Variants in KIZ observed in about 807,000 individuals in gnomAD.
KIZ encodes centrosomal protein kizuna.
A neutral mutation model predicts 79.6 loss-of-function variants in KIZ; 68 were observed. That is an observed-to-expected ratio of 0.85 (90% CI 0.70 to 1.05). The LOEUF (loss-of-function observed/expected upper bound fraction) is 1.05, where lower values mean the gene tolerates loss of function less well. Among genes scored for constraint, KIZ ranks in the 50% least tolerant of loss-of-function variants. The pLI is 0.00. For missense variants in KIZ, 797 were observed against 800.4 expected (o/e 1.00, Z 0.05); for synonymous variants, 280 against 281.8 (o/e 0.99, Z 0.06).
At chr20:21,229,836 A>G (rs939457572) in intron 10 of KIZ, among the ~76,000 whole-genome samples, 1 of 152,206 alleles carries the variant, frequency 6.6e-6, no homozygotes, top group Non-Finnish European at 1.5e-5. Flanking sequence ...TTGGTCTCCC[A>G]AAGTGTTGGG....
At position 21,162,407 on chromosome 20, in the gene KIZ, AAG is replaced by A. The variant is rs1555877097; in HGVS notation, c.945_946del (p.Arg315SerfsTer15). On this transcript the variant is annotated frameshift_variant, in exon 5 of 13. Transcript: ENST00000619189. LOFTEE classifies it high-confidence loss of function. ...TREHIEVEEKRASPPVSPIPV... is the reference protein window; with the variant it reads ...TREHIEVEEKXASPPVSPIPV... ...GGGAACATATTGAAGTTGAGGAAAA[AAG>A]AGCCAGCCCGCCAGTCTCTCCGATA... 2 of 1,613,542 alleles carry A rather than the reference AAG, an allele frequency of 1.2e-6. No individual in the cohort carries two copies. Among genetic ancestry groups the A allele is most frequent in the Non-Finnish European group, 1.7e-6 (2 of 1,179,742 alleles).
chr20:21,155,755 CAT>C (rs752167985), intron 4 of KIZ, among the ~76,000 whole-genome samples: 1 of 152,194 alleles, frequency 6.6e-6, no homozygotes, highest in Non-Finnish European at 1.5e-5. Context: ...TTTGTTATGA[CAT>C]AGTCTTTATT....
chr20:21,206,476 G>A (rs768125514), intron 7 of KIZ, among the ~76,000 whole-genome samples: 15 of 152,090 alleles, frequency 9.9e-5, no homozygotes, highest in Non-Finnish European at 1.8e-4. Flanking sequence ...AGTTGGGGGT[G>A]GGGGCAGAGG....
chr20:21,132,886 G>A (rs1211963651), intron 2 of KIZ: 1 of 152,176 alleles, frequency 6.6e-6, no homozygotes, highest in African/African-American at 2.4e-5. Flanking sequence ...TATCTCATTT[G>A]TTCATGGATA....
At chr20:21,180,364 C>A (rs1036293453) in intron 6 of KIZ, among the ~76,000 whole-genome samples, 3 of 151,454 alleles carry the variant, frequency 2.0e-5, no homozygotes, top group East Asian at 3.9e-4. Flanking sequence ...TTGGGGCAGT[C>A]TCCCAAGTAA....
At position 21,166,490 on chromosome 20, in the gene KIZ, C is replaced by T. The variant is rs189332256; in HGVS notation, c.1352+3331C>T. 570 of 1,567,626 alleles carry T rather than the reference C, an allele frequency of 3.6e-4. 2 individuals carry two copies. In the African/African-American group the frequency reaches 6.5e-3, roughly 18 times the overall value. On this transcript the variant is annotated intron_variant, in intron 6 of 12. Transcript: ENST00000619189. ...ATGCTTCATCATCACAATGAGAAACCGGACGATGACTTTGGAGCACGGCCT... is the reference window on the plus strand; with the variant it reads ...ATGCTTCATCATCACAATGAGAAACTGGACGATGACTTTGGAGCACGGCCT...
At chr20:21,181,980 A>T (rs369139454) in intron 6 of KIZ, among the ~76,000 whole-genome samples, 95 of 152,350 alleles carry the variant, frequency 6.2e-4, no homozygotes, top group African/African-American at 2.3e-3. Context: ...TCAAAGACCC[A>T]GATCCTTTCC....
chr20:21,215,556 T>C lies in KIZ; in HGVS notation c.1613-27T>C, dbSNP rs549997997. The stretch of plus-strand genomic sequence containing the variant: ...TCTATTCCTTAACTTTGAAATACTT[T>C]TTTTTTATTATGCATTCAATTTTTA... On this transcript the variant is annotated intron_variant, in intron 8 of 12. Coordinates refer to ENST00000619189, the MANE Select transcript of KIZ (RefSeq NM_018474.6). The C allele has an allele frequency of 6.1e-4, 871 of 1,436,754 alleles. 15 individuals are homozygous for C. The South Asian group carries it at 9.9e-3, about 16-fold the overall frequency. The allele number at this position is 1,436,754 out of a possible 1,614,324, so 89.0% of individuals were successfully genotyped here.
chr20:21,149,247 G>A (rs1344347293), intron 4 of KIZ, among the ~76,000 whole-genome samples: 1 of 152,172 alleles, frequency 6.6e-6, no homozygotes, highest in Non-Finnish European at 1.5e-5. Context: ...GATAGTATGG[G>A]TAGCTCTTCA....
Position 21,136,463 on chromosome 20 carries a change from C to A in KIZ, c.226C>A (p.Arg76=). ...ICESEKKAHT[R]NQEYLKRFER... is the part of the protein sequence containing the mutation. ...TGAATCTGAAAAGAAGGCTCATACT[C>A]GAAACCAAGAATATTTAAAGCGATT... Residue 76 remains arginine (R), a synonymous_variant, in exon 3 of 13, where the codon CGA becomes AGA. Transcript: ENST00000619189. 6.3e-7 allele frequency: 1 copy of A among 1,587,292 alleles called. No homozygotes were observed. The highest frequency in any genetic ancestry group is 8.6e-7 in the Non-Finnish European group (1 of 1,162,638).
At chr20:21,151,897 C>T (rs992748904) in intron 4 of KIZ, 8 of 152,150 alleles carry the variant, frequency 5.3e-5, no homozygotes, top group African/African-American at 1.9e-4. Context: ...TTTGTAGCAG[C>T]AAAAACACAG....
intron 4 of KIZ, among the ~76,000 whole-genome samples, chr20:21,157,853 C>T (rs55854169): frequency 7.2e-5 from 11 of 152,228 alleles, no homozygotes; most frequent in African/African-American, 1.4e-4. Flanking sequence ...CTGGGTTAGT[C>T]GTTGCTCTGG....
rs772447455 is a variant in KIZ, at chr20:21,162,063, A to T, written c.598A>T (p.Ser200Cys). ...DPHSHRQTAQ[S>C]SNVTDSCVVQ... ...ACATTCACACCGACAGACAGCCCAG[A>T]GCAGTAATGTGACAGACAGCTGTGT... Residue 200 changes from serine (S) to cysteine (C), a missense_variant, in exon 5 of 13, where the codon AGC (serine) becomes TGC (cysteine). Coordinates refer to ENST00000619189, the MANE Select transcript of KIZ (RefSeq NM_018474.6). 3.7e-6 allele frequency: 6 copies of T among 1,613,934 alleles called. 1 individual carries two copies. The South Asian group carries it at 6.6e-5, about 18-fold the overall frequency.
rs577112121 is a variant in KIZ, at chr20:21,173,161, C to T, written c.1352+10002C>T. On this transcript the variant is annotated intron_variant, in intron 6 of 12. Coordinates refer to ENST00000619189, the MANE Select transcript of KIZ (RefSeq NM_018474.6). ...AATCAAGTTGGGGAAAGAGTGGCAG[C>T]AGGGAGTGCTGTTTGGATAATATAG... 6.7e-4 allele frequency among the ~76,000 whole-genome samples: 102 copies of T among 151,550 alleles called. 1 individual carries two copies. The highest frequency in any genetic ancestry group is 2.4e-3 in the African/African-American group (100 of 41,356).
At chr20:21,194,738 G>A (rs1332105933) in intron 6 of KIZ, 2 of 151,900 alleles carry the variant, frequency 1.3e-5, no homozygotes, top group Admixed American at 1.3e-4. Context: ...GTCTGTAATC[G>A]CAGAACTTTG....
chr20:21,221,813 A>G (rs1478332999), intron 9 of KIZ, among the ~76,000 whole-genome samples: 1 of 152,162 alleles, frequency 6.6e-6, no homozygotes, highest in Admixed American at 6.5e-5. Context: ...TGGTGACTGG[A>G]TTTATCCTGG....
chr20:21,146,080 A>G (rs181996787), intron 4 of KIZ, among the ~76,000 whole-genome samples: 95 of 152,338 alleles, frequency 6.2e-4, no homozygotes, highest in African/African-American at 2.2e-3. Flanking sequence ...TATCTAAGCA[A>G]TAGACAAAAA....
At chr20:21,126,346 G>T in intron 1 of KIZ, 142 bp downstream of exon 1, 1 of 531,354 alleles carries the variant, frequency 1.9e-6, no homozygotes, top group South Asian at 2.8e-5. Context: ...CTCCCAGTGG[G>T]GCCTGGAGGA....
intron 6 of KIZ, among the ~76,000 whole-genome samples, chr20:21,201,209 G>C (rs1364861952): frequency 6.6e-6 from 1 of 151,980 alleles, no homozygotes; most frequent in East Asian, 1.9e-4. Flanking sequence ...CATATGCAAA[G>C]TTTACTATTA....
Sources: allele counts gnomAD v4.1 joint callset (sites outside exome capture counted in the v4.1 genomes callset), GRCh38; gene constraint gnomAD v4.1.1; transcripts MANE v1.5; gene names NCBI Gene and HGNC (gene_info 2026-07-23, HGNC 2026-07-21).